TAOK3: variants seen among roughly 807,000 people sequenced by gnomAD.
The protein encoded by TAOK3 is serine/threonine-protein kinase TAO3.
Under a neutral mutation model 120.4 loss-of-function variants are expected in TAOK3, and 40 were observed. That is an observed-to-expected ratio of 0.33 (90% CI 0.26 to 0.43). TAOK3 has a LOEUF of 0.43. TAOK3 is among the 20% of genes least tolerant of loss of function. The pLI is 1.00. For missense variants in TAOK3, 821 were observed against 1,112.1 expected (o/e 0.74, Z 3.72); for synonymous variants, 355 against 387.5 (o/e 0.92, Z 0.99).
At chr12:118,197,271 A>T (rs1174214455) in intron 13 of TAOK3, among the ~76,000 whole-genome samples, 1 of 152,198 alleles carries the variant, frequency 6.6e-6, no homozygotes, top group Non-Finnish European at 1.5e-5. Context: ...TAAAATAGGA[A>T]TATATAACTT....
intron 14 of TAOK3, among the ~76,000 whole-genome samples, chr12:118,186,056 T>C (rs1020539471): frequency 2.0e-5 from 3 of 152,194 alleles, no homozygotes; most frequent in Non-Finnish European, 2.9e-5. Flanking sequence ...CATTCACGTA[T>C]CCAATTTCAC....
At chr12:118,322,718 CTTTTTTTTTTTTTT>C (rs199608892) in intron 1 of TAOK3, among the ~76,000 whole-genome samples, 1 of 93,812 alleles carries the variant, frequency 1.1e-5, no homozygotes, top group East Asian at 3.3e-4. Flanking sequence ...ATTTAAAAAC[CTTTTTTTTTTTTTT>C]TTTTTTTTTT....
chr12:118,191,671 C>T (rs902817050), intron 13 of TAOK3, among the ~76,000 whole-genome samples: 3 of 152,126 alleles, frequency 2.0e-5, no homozygotes, highest in Non-Finnish European at 2.9e-5. Flanking sequence ...TCCTGTTTTA[C>T]AGGGAAGAGC....
At chr12:118,219,987 CCTCT>C (rs1233334372) in intron 9 of TAOK3, among the ~76,000 whole-genome samples, 1 of 151,030 alleles carries the variant, frequency 6.6e-6, no homozygotes, top group African/African-American at 2.4e-5. Flanking sequence ...TCCTTTCCTC[CCTCT>C]CTCTTTCTCA....
At chr12:118,301,233 A>G (rs2042869766) in intron 1 of TAOK3, among the ~76,000 whole-genome samples, 1 of 152,214 alleles carries the variant, frequency 6.6e-6, no homozygotes, top group African/African-American at 2.4e-5. Flanking sequence ...TAATGCCATA[A>G]GCAGCTGCAA....
intron 11 of TAOK3, among the ~76,000 whole-genome samples, chr12:118,211,916 T>TC (rs779200316): frequency 5.0e-4 from 76 of 152,296 alleles, no homozygotes; most frequent in Non-Finnish European, 4.6e-4. Context: ...GTTGCTATTT[T>TC]CCCCTAAAGA....
chr12:118,306,020 C>T (rs927087206), intron 1 of TAOK3, among the ~76,000 whole-genome samples: 2 of 151,044 alleles, frequency 1.3e-5, no homozygotes, highest in African/African-American at 4.9e-5. Context: ...CAGATATTTA[C>T]AAGAGGACAC....
chr12:118,322,694 C>G (rs964538772), intron 1 of TAOK3, among the ~76,000 whole-genome samples: 1 of 151,218 alleles, frequency 6.6e-6, no homozygotes, highest in Non-Finnish European at 1.5e-5. Flanking sequence ...TTTTTTTCCC[C>G]CAAACATTAA....
intron 1 of TAOK3, among the ~76,000 whole-genome samples, chr12:118,321,671 G>A (rs563441553): frequency 6.6e-6 from 1 of 152,218 alleles, no homozygotes; most frequent in Non-Finnish European, 1.5e-5. Flanking sequence ...CAAAAAAAGA[G>A]AACCTAAACT....
rs1300758835 is a variant in TAOK3, at chr12:118,268,940, G to A, written c.-193-2181C>T. ...GGAGAATCGCTTGAACCTGGGAGGC[G>A]GAAGATGGGGTGAGCCGAGATCATG... On this transcript the variant is annotated intron_variant, in intron 1 of 20. Transcript: ENST00000392533. 4.6e-5 allele frequency among the ~76,000 whole-genome samples: 7 copies of A among 151,972 alleles called. No individual in the cohort carries two copies. The South Asian group carries it at 1.0e-3, about 23-fold the overall frequency.
intron 1 of TAOK3, among the ~76,000 whole-genome samples, chr12:118,298,651 T>C (rs570490620): frequency 5.3e-5 from 8 of 152,122 alleles, no homozygotes; most frequent in Non-Finnish European, 1.2e-4. Context: ...GTAACAATAA[T>C]GAAGACAAAG....
chr12:118,337,634 A>G (rs1022883160), intron 1 of TAOK3, among the ~76,000 whole-genome samples: 3 of 152,250 alleles, frequency 2.0e-5, no homozygotes, highest in African/African-American at 4.8e-5. Context: ...TCAGAGAATT[A>G]CACTGGGTGG....
rs777222970 is a variant in TAOK3, at chr12:118,189,857, G to A, written c.1279C>T (p.Leu427Phe). ...AAGCGCTCTCTGTTCCGGTAGTGGA[G>A]GGCCTGGCTCTGAACTGACTGGGTA... is the stretch of plus-strand genomic sequence containing the variant. ...RPTQSVQSQA[L>F]HYRNRERFAT... The change falls in exon 14 of 21, where the codon CTC becomes TTC. Residue 427 changes from leucine to phenylalanine, a missense_variant. This residue lies in a region of TAOK3 where 467 missense variants were observed against 540.0 expected (regional missense o/e 0.86). Transcript: ENST00000392533. 9.9e-6 allele frequency: 16 copies of A among 1,614,082 alleles called. No individual in the cohort carries two copies. The highest frequency in any genetic ancestry group is 5.0e-5 in the Admixed American group (3 of 60,006).
Position 118,243,456 on chromosome 12 carries a change from T to C in TAOK3, c.253A>G (p.Ile85Val), listed in dbSNP as rs2139996516. The C allele has an allele frequency of 6.4e-7, 1 of 1,570,834 alleles. No homozygotes were observed. The highest frequency in any genetic ancestry group is 2.3e-5 in the East Asian group (1 of 42,896). Residue 85 changes from isoleucine (I) to valine (V), a missense_variant, in exon 5 of 21, where the codon ATT (isoleucine) becomes GTT (valine). By Grantham distance (29) the Ile-to-Val change is conservative. Transcript: ENST00000392533. Reference protein sequence around the residue: ...FLRQLKHPNTIEYKGCYLKEH... With the variant: ...FLRQLKHPNTVEYKGCYLKEH... ...TTCAAGTAACAGCCTTTGTACTCAA[T>C]AGTATTAGGATGCTTCAATTGTCGT...
At chr12:118,260,076 T>C (rs544678530) in intron 2 of TAOK3, among the ~76,000 whole-genome samples, 2 of 152,322 alleles carry the variant, frequency 1.3e-5, no homozygotes, top group African/African-American at 4.8e-5. Context: ...CTTGCCTTCA[T>C]AGTAGGGACC....
chr12:118,268,198 T>C lies in TAOK3; in HGVS notation c.-193-1439A>G, dbSNP rs978612416. On this transcript the variant is annotated intron_variant, in intron 1 of 20. Transcript: ENST00000392533. ...AAAAACCAAGGCTGTATTCAACCTTTTGTTGAACTATTGAAAATTATTGTG... is the reference window on the plus strand; with the variant it reads ...AAAAACCAAGGCTGTATTCAACCTTCTGTTGAACTATTGAAAATTATTGTG... Among the ~76,000 whole-genome samples, 6 of 152,202 alleles carry C rather than the reference T, an allele frequency of 3.9e-5. No individual in the cohort carries two copies. In the East Asian group the frequency reaches 9.6e-4, roughly 24 times the overall value.
intron 17 of TAOK3, among the ~76,000 whole-genome samples, chr12:118,171,498 A>G (rs1448385128): frequency 1.3e-5 from 2 of 152,282 alleles, no homozygotes; most frequent in East Asian, 3.9e-4. Context: ...CTGGGATTAT[A>G]GGCGTGCACC....
At chr12:118,165,030 T>C (rs1293932309) in intron 17 of TAOK3, among the ~76,000 whole-genome samples, 2 of 152,136 alleles carry the variant, frequency 1.3e-5, no homozygotes, top group Non-Finnish European at 2.9e-5. Context: ...GTACACCCCC[T>C]CAGCGACCTT....
At chr12:118,308,918 G>A (rs1171276622) in intron 1 of TAOK3, among the ~76,000 whole-genome samples, 9 of 92,106 alleles carry the variant, frequency 9.8e-5, no homozygotes, top group South Asian at 4.0e-4. Context: ...GAACAGCAGC[G>A]AAACTCTGTC....
Sources: gnomAD v4.1 joint callset for allele counts (sites outside exome capture counted in the v4.1 genomes callset) on GRCh38, gnomAD v4.1.1 for gene constraint, gnomAD v4.1.1 regional missense constraint, MANE v1.5 for transcripts, NCBI Gene and HGNC (gene_info 2026-07-23, HGNC 2026-07-21) for gene names.